The following IGF1R variants were observed in gnomAD, a reference collection of about 807,000 sequenced individuals.
IGF1R encodes the protein insulin like growth factor 1 receptor, also known as insulin-like growth factor 1 receptor.
A neutral mutation model predicts 144.6 loss-of-function variants in IGF1R; 44 were observed. The observed-to-expected ratio is 0.30, with a 90% CI of 0.24 to 0.39. IGF1R has a LOEUF of 0.39. Ranked by LOEUF, IGF1R falls within the 10% of genes least tolerant of loss-of-function variation. The pLI, the probability that IGF1R is intolerant of heterozygous loss-of-function variation, is 1.00. For synonymous variants in IGF1R, 795 were observed against 722.8 expected (o/e 1.10, Z -1.60); for missense variants, 1,355 against 1,833.7 (o/e 0.74, Z 4.77).
chr15:98,708,451 G>GT (rs1371858375), intron 2 of IGF1R, among the ~76,000 whole-genome samples: 2 of 152,224 alleles, frequency 1.3e-5, no homozygotes, highest in Non-Finnish European at 2.9e-5. Flanking sequence ...AGGTGACCTG[G>GT]TGTGCTTGGA....
chr15:98,899,262 C>A (rs925567823), intron 4 of IGF1R, among the ~76,000 whole-genome samples: 4 of 152,212 alleles, frequency 2.6e-5, no homozygotes, highest in African/African-American at 9.6e-5. Context: ...CTCCTAGAAA[C>A]TTGGCTTCCC....
intron 2 of IGF1R, among the ~76,000 whole-genome samples, chr15:98,756,153 G>A (rs1476355810): frequency 6.6e-6 from 1 of 151,590 alleles, no homozygotes; most frequent in Non-Finnish European, 1.5e-5. Flanking sequence ...CATTCTATCA[G>A]GTATTGATAT....
intron 2 of IGF1R, among the ~76,000 whole-genome samples, chr15:98,723,784 A>G (rs1250439342): frequency 6.6e-6 from 1 of 152,238 alleles, no homozygotes; most frequent in East Asian, 1.9e-4. Flanking sequence ...CATTAGCATT[A>G]TGGGAAGACT....
intron 2 of IGF1R, among the ~76,000 whole-genome samples, chr15:98,735,245 A>G (rs972670560): frequency 7.2e-5 from 11 of 152,220 alleles, no homozygotes; most frequent in African/African-American, 2.4e-4. Flanking sequence ...TTCCCAGGGA[A>G]GAAAGCCCGT....
chr15:98,869,594 C>G (rs1490130695), intron 2 of IGF1R, among the ~76,000 whole-genome samples: 4 of 152,174 alleles, frequency 2.6e-5, no homozygotes, highest in Non-Finnish European at 5.9e-5. Context: ...TGCCACCACA[C>G]TCGGCTAATT....
chr15:98,933,958 C>T (rs910735067), intron 15 of IGF1R, among the ~76,000 whole-genome samples: 17 of 152,086 alleles, frequency 1.1e-4, no homozygotes, highest in Non-Finnish European at 1.9e-4. Flanking sequence ...TTTGTAACCG[C>T]AAATTTTCTA....
At chr15:98,886,570 G>A (rs1027590384) in intron 2 of IGF1R, among the ~76,000 whole-genome samples, 5 of 152,060 alleles carry the variant, frequency 3.3e-5, no homozygotes, top group East Asian at 1.9e-4. Context: ...GCCTTTAATC[G>A]CACTCAGTGT....
chr15:98,834,586 G>A (rs1167775293), intron 2 of IGF1R, among the ~76,000 whole-genome samples: 1 of 152,194 alleles, frequency 6.6e-6, no homozygotes, highest in Admixed American at 6.5e-5. Flanking sequence ...ACTGAACTCT[G>A]GGGGTTACCA....
At chr15:98,696,362 G>A (rs184639433) in intron 1 of IGF1R, among the ~76,000 whole-genome samples, 3 of 152,300 alleles carry the variant, frequency 2.0e-5, no homozygotes, top group African/African-American at 7.2e-5. Context: ...TCCCACTAGA[G>A]ACCTTCCTTG....
chr15:98,795,496 G>C (rs1302726254), intron 2 of IGF1R, among the ~76,000 whole-genome samples: 1 of 152,020 alleles, frequency 6.6e-6, no homozygotes, highest in African/African-American at 2.4e-5. Flanking sequence ...CTCACTGCAA[G>C]CTCCGCCTCC....
rs2017322128 is a variant in IGF1R, at chr15:98,963,820, CAT to C, written c.*6380_*6381del. On this transcript the variant is annotated 3_prime_UTR_variant, in exon 21 of 21. Coordinates refer to ENST00000650285, the MANE Select transcript of IGF1R (RefSeq NM_000875.5). ...AAAGAATTTTTAATAAAAACTATAA[CAT>C]ACACAAAAATTGGTTTTAAAGTTGA... The C allele has an allele frequency of 4.3e-6, 1 of 232,894 alleles. No homozygotes were observed. The highest frequency in any genetic ancestry group is 8.5e-6 in the Non-Finnish European group (1 of 117,876). 14.4% of individuals were successfully genotyped at this position (232,894 alleles called of 1,614,324 possible). A position where few individuals can be genotyped will look rare whatever the true frequency, so the allele number is the denominator to read the frequency against.
At position 98,899,574 on chromosome 15, in the gene IGF1R, C is replaced by T. The variant is rs2151656936; in HGVS notation, c.1200C>T (p.Ser400=). 6.2e-7 allele frequency: 1 copy of T among 1,614,118 alleles called. No homozygotes were observed. Among genetic ancestry groups the T allele is most frequent in the Non-Finnish European group, 8.5e-7 (1 of 1,179,992 alleles). ...IRHSHALVSL[S]FLKNLRLILG... is the part of the protein sequence containing the mutation. ...ATTCTCATGCCTTGGTCTCCTTGTC[C>T]TTCCTAAAAAACCTTCGCCTCATCC... is the stretch of plus-strand genomic sequence containing the variant. Residue 400 remains serine (S), a synonymous_variant, in exon 5 of 21, where the codon TCC becomes TCT. Coordinates refer to ENST00000650285, the MANE Select transcript of IGF1R (RefSeq NM_000875.5).
chr15:98,796,176 CTG>C (rs5814906), intron 2 of IGF1R, among the ~76,000 whole-genome samples: 118,706 of 151,794 alleles, frequency 0.78, 48,082 homozygotes, highest in Non-Finnish European at 0.88. Context: ...CGTGTGGGCA[CTG>C]TGCTGGGGGA....
At chr15:98,923,609 G>A (rs1047551990) in intron 11 of IGF1R, among the ~76,000 whole-genome samples, 1 of 152,246 alleles carries the variant, frequency 6.6e-6, no homozygotes, top group African/African-American at 2.4e-5. Flanking sequence ...GGGGAGAAAG[G>A]AGGATCTTGT....
intron 5 of IGF1R, among the ~76,000 whole-genome samples, chr15:98,906,778 G>A: frequency 6.6e-6 from 1 of 152,250 alleles, no homozygotes; most frequent in East Asian, 1.9e-4. Context: ...ACAAGTTTTT[G>A]CTACCGGTTT....
At chr15:98,651,493 A>T (rs1334943094) in intron 1 of IGF1R, among the ~76,000 whole-genome samples, 1 of 152,248 alleles carries the variant, frequency 6.6e-6, no homozygotes, top group Non-Finnish European at 1.5e-5. Flanking sequence ...TTTAGAAGAC[A>T]CGGGAGAAAT....
chr15:98,710,218 C>G (rs1363572036), intron 2 of IGF1R, among the ~76,000 whole-genome samples: 2 of 152,208 alleles, frequency 1.3e-5, no homozygotes, highest in African/African-American at 4.8e-5. Context: ...CTGCAGCCTT[C>G]TCCTTGACCA....
intron 2 of IGF1R, among the ~76,000 whole-genome samples, chr15:98,862,205 T>TAA (rs2012195205): frequency 6.6e-6 from 1 of 152,260 alleles, no homozygotes; most frequent in Non-Finnish European, 1.5e-5. Flanking sequence ...GAAGCATATA[T>TAA]TATCTGTAGC....
At chr15:98,737,238 A>T (rs141984982) in intron 2 of IGF1R, among the ~76,000 whole-genome samples, 44 of 152,344 alleles carry the variant, frequency 2.9e-4, no homozygotes, top group African/African-American at 1.0e-3. Context: ...AACAGGCGGC[A>T]GCTGCTCTGT....
Sources: gnomAD v4.1 joint callset for allele counts (sites outside exome capture counted in the v4.1 genomes callset) on GRCh38, gnomAD v4.1.1 for gene constraint, MANE v1.5 for transcripts, NCBI Gene and HGNC (gene_info 2026-07-23, HGNC 2026-07-21) for gene names.